Variants in MTMR9 observed in about 807,000 individuals in gnomAD.
MTMR9 encodes the protein myotubularin-related protein 9.
Under a neutral mutation model 69.5 loss-of-function variants are expected in MTMR9, and 39 were observed. The ratio of observed to expected loss-of-function variants is 0.56; its 90% CI spans 0.43 to 0.73. The LOEUF (loss-of-function observed/expected upper bound fraction) is 0.73, where lower values mean the gene tolerates loss of function less well. Among genes scored for constraint, MTMR9 ranks in the 30% least tolerant of loss-of-function variants. MTMR9 has a pLI of 0.00. For synonymous variants in MTMR9, 354 were observed against 240.8 expected (o/e 1.47, Z -4.35); for missense variants, 900 against 671.2 (o/e 1.34, Z -3.77).
intron 6 of MTMR9, among the ~76,000 whole-genome samples, chr8:11,312,445 C>A (rs1250839869): frequency 6.6e-6 from 1 of 152,198 alleles, no homozygotes; most frequent in Non-Finnish European, 1.5e-5. Context: ...CTCCTGGCTT[C>A]AAGCAATCCT....
At chr8:11,286,691 A>AAGG (rs1554498829) in intron 1 of MTMR9, among the ~76,000 whole-genome samples, 3 of 105,434 alleles carry the variant, frequency 2.8e-5, no homozygotes, top group Non-Finnish European at 5.7e-5. Context: ...AAAAAAAAAA[A>AAGG]GTCTTCAGTG....
rs1799080034 is a variant in MTMR9 at position 11,284,820 on chromosome 8, C to T, written c.-69C>T. The T allele has an allele frequency of 9.1e-6, 13 of 1,435,270 alleles. No homozygotes were observed. The highest frequency in any genetic ancestry group is 1.5e-5 in the African/African-American group (1 of 66,710). 88.9% of individuals were successfully genotyped at this position (1,435,270 alleles called of 1,614,324 possible). ...AGCCCCGCGCCGGGTGTTTCCGCTACTTCCCTGCGGCGGGGTAACCGCCTC... is the reference window on the plus strand; with the variant it reads ...AGCCCCGCGCCGGGTGTTTCCGCTATTTCCCTGCGGCGGGGTAACCGCCTC... On this transcript the variant is annotated 5_prime_UTR_variant, in exon 1 of 10. Coordinates refer to ENST00000221086, the MANE Select transcript of MTMR9 (RefSeq NM_015458.4).
chr8:11,325,308 G>A lies in MTMR9; in HGVS notation c.*2520G>A, dbSNP rs747982483. ...GATTTTTAGTAGTACTGTGAAGTTC[G>A]TGCTTACCTGGATGAGAAGAATAAA... is the stretch of plus-strand genomic sequence containing the variant. On this transcript the variant is annotated 3_prime_UTR_variant, in exon 10 of 10. Coordinates refer to ENST00000221086, the MANE Select transcript of MTMR9 (RefSeq NM_015458.4). The A allele has an allele frequency of 1.3e-5, 2 of 152,156 alleles. No individual in the cohort carries two copies. The highest frequency in any genetic ancestry group is 2.9e-5 in the Non-Finnish European group (2 of 68,040). The allele number at this position is 152,156 out of a possible 1,614,324, so 9.4% of individuals were successfully genotyped here. A position where few individuals can be genotyped will look rare whatever the true frequency, so the allele number is the denominator to read the frequency against.
chr8:11,299,925 A>G, intron 2 of MTMR9, 98 bp from the exon 3 acceptor site: 1 of 1,373,348 alleles, frequency 7.3e-7, no homozygotes, highest in Non-Finnish European at 9.8e-7. Context: ...GGTGCCCATC[A>G]TTATTAGACC....
chr8:11,290,176 G>T (rs1799331246), intron 1 of MTMR9, among the ~76,000 whole-genome samples: 1 of 151,866 alleles, frequency 6.6e-6, no homozygotes, highest in South Asian at 2.1e-4. Flanking sequence ...TTATTGCTTT[G>T]TTTTAATTTG....
intron 1 of MTMR9, 128 bp downstream of exon 1, chr8:11,285,198 C>A: frequency 3.2e-6 from 3 of 938,776 alleles, no homozygotes; most frequent in Non-Finnish European, 4.6e-6. Flanking sequence ...CCCTCTGTGG[C>A]CTAGAATCAG....
At chr8:11,318,762 A>G (rs1800534118) in intron 8 of MTMR9, 1 of 152,236 alleles carries the variant, frequency 6.6e-6, no homozygotes, top group South Asian at 2.1e-4. Context: ...ATTTATGTCA[A>G]GATTCACATT....
chr8:11,297,841 G>A, intron 2 of MTMR9: 1 of 456,060 alleles, frequency 2.2e-6, no homozygotes, highest in Non-Finnish European at 4.4e-6. Context: ...TCTGTTAAAT[G>A]TTCTTACAGC....
At chr8:11,303,496 AAAT>A (rs997321823) in intron 3 of MTMR9, among the ~76,000 whole-genome samples, 1 of 152,088 alleles carries the variant, frequency 6.6e-6, no homozygotes, top group African/African-American at 2.4e-5. Context: ...ATTTTTTTAA[AAAT>A]AATAAATCTT....
chr8:11,296,490 A>G (rs899779399), intron 2 of MTMR9, among the ~76,000 whole-genome samples: 1 of 152,200 alleles, frequency 6.6e-6, no homozygotes, highest in African/African-American at 2.4e-5. Flanking sequence ...GATCTCCAGG[A>G]CTTTTTCATC....
At chr8:11,328,344 CGT>C (rs151066674), downstream of MTMR9, among the ~76,000 whole-genome samples, 3,490 of 90,800 alleles carry the variant, frequency 0.038, 45 homozygotes, top group Middle Eastern at 0.068. Flanking sequence ...TTTAATACCA[CGT>C]GTGTGTGTGT....
At position 11,298,999 on chromosome 8, in the gene MTMR9, A is replaced by G. The variant is rs567112034; in HGVS notation, c.292-1024A>G. The G allele has an allele frequency of 2.9e-4, 158 of 549,988 alleles. No homozygotes were observed. In the African/African-American group the frequency reaches 3.2e-3, roughly 11 times the overall value. The allele number at this position is 549,988 out of a possible 1,614,324, so 34.1% of individuals were successfully genotyped here. A position where few individuals can be genotyped will look rare whatever the true frequency, so the allele number is the denominator to read the frequency against. On this transcript the variant is annotated intron_variant, in intron 2 of 9. Coordinates refer to ENST00000221086, the MANE Select transcript of MTMR9 (RefSeq NM_015458.4). ...ACCAGTCTAGGAAGAGAGGAAATGA[A>G]CATTGATGGAATTTCTACCTATGTA...
At chr8:11,331,194 C>G (rs4841520), downstream of MTMR9, 1 of 1,613,796 alleles carries the variant, frequency 6.2e-7, no homozygotes, top group Non-Finnish European at 8.5e-7. Flanking sequence ...CTGGCACCAG[C>G]GCTGCCAGCC....
At chr8:11,298,689 G>A (rs1799638616) in intron 2 of MTMR9, 3 of 865,912 alleles carry the variant, frequency 3.5e-6, no homozygotes, top group Non-Finnish European at 4.1e-6. Context: ...TTTGAATTAT[G>A]CTAATTGATA....
intron 2 of MTMR9, among the ~76,000 whole-genome samples, chr8:11,295,937 C>G (rs528741958): frequency 1.3e-5 from 2 of 152,258 alleles, no homozygotes; most frequent in African/African-American, 2.4e-5. Context: ...CTGCAAACCA[C>G]TAGTGAGTTA....
chr8:11,296,523 TAAAC>T (rs1485422010), intron 2 of MTMR9, among the ~76,000 whole-genome samples: 5 of 152,198 alleles, frequency 3.3e-5, no homozygotes, highest in Non-Finnish European at 1.5e-5. Context: ...AACTCTGTGT[TAAAC>T]AACACCCCAT....
the MTMR9 span, among the ~76,000 whole-genome samples, chr8:11,337,818 C>G: frequency 6.6e-6 from 1 of 152,250 alleles, no homozygotes; most frequent in African/African-American, 2.4e-5. Flanking sequence ...ATTCCTGTCA[C>G]TTCCTACTCT....
the MTMR9 span, among the ~76,000 whole-genome samples, chr8:11,336,782 T>C: frequency 6.6e-6 from 1 of 152,190 alleles, no homozygotes; most frequent in African/African-American, 2.4e-5. Flanking sequence ...CAGAAGTAAG[T>C]GTGAAAGGGA....
rs1044004612 is a variant in MTMR9, at chr8:11,316,842, A to T, written c.1283A>T (p.His428Leu). The T allele has an allele frequency of 1.9e-6, 3 of 1,613,226 alleles. No homozygotes were observed. Among genetic ancestry groups the T allele is most frequent in the African/African-American group, 2.7e-5 (2 of 74,870 alleles). ...AATTTCCTCATCATGCTCTTTGAGC[A>T]TGCTTATGCCTCACAGTTTGGAACA... ...NENFLIMLFE[H>L]AYASQFGTFL... Residue 428 changes from histidine to leucine, a missense_variant, in exon 8 of 10, where the codon CAT (histidine) becomes CTT (leucine). Coordinates refer to ENST00000221086, the MANE Select transcript of MTMR9 (RefSeq NM_015458.4).
Sources: allele counts gnomAD v4.1 joint callset (sites outside exome capture counted in the v4.1 genomes callset), GRCh38; gene constraint gnomAD v4.1.1; transcripts MANE v1.5; gene names NCBI Gene and HGNC (gene_info 2026-07-23, HGNC 2026-07-21).